Variants in COL14A1 observed in about 807,000 individuals in gnomAD.
The protein encoded by COL14A1 is collagen alpha-1(XIV) chain.
A neutral mutation model predicts 230.3 loss-of-function variants in COL14A1; 136 were observed. The observed-to-expected ratio is 0.59, with a 90% CI of 0.51 to 0.68. COL14A1 has a LOEUF of 0.68. Ranked by LOEUF, COL14A1 falls within the 30% of genes least tolerant of loss-of-function variation. The probability of loss-of-function intolerance (pLI) is 0.00; values close to 1 mark genes in which losing one functional copy is unlikely to be tolerated. For missense variants in COL14A1, 1,976 were observed against 2,215.8 expected (o/e 0.89, Z 2.17); for synonymous variants, 792 against 784.1 (o/e 1.01, Z -0.17).
chr8:120,370,836 A>ATT (rs201300653), intron 47 of COL14A1: 4 of 1,352,574 alleles, frequency 3.0e-6, no homozygotes, highest in African/African-American at 3.0e-5. Flanking sequence ...CTAACATGAG[A>ATT]TTTTTTAAAA....
chr8:120,222,990 G>A (rs1817979514), intron 14 of COL14A1, among the ~76,000 whole-genome samples: 1 of 152,192 alleles, frequency 6.6e-6, no homozygotes, highest in Non-Finnish European at 1.5e-5. Flanking sequence ...TGATAGTTAA[G>A]CATAGTCATG....
chr8:120,210,455 G>A (rs1313533614), intron 12 of COL14A1, among the ~76,000 whole-genome samples: 1 of 152,092 alleles, frequency 6.6e-6, no homozygotes, highest in Non-Finnish European at 1.5e-5. Flanking sequence ...TGCTTTATGT[G>A]GTGCATAAGT....
At chr8:120,254,535 G>GTATTTACT (rs1819076365) in intron 22 of COL14A1, among the ~76,000 whole-genome samples, 2 of 151,746 alleles carry the variant, frequency 1.3e-5, no homozygotes, top group Admixed American at 6.6e-5. Flanking sequence ...AATACATACT[G>GTATTTACT]TATTTACTTT....
intron 5 of COL14A1, among the ~76,000 whole-genome samples, chr8:120,173,564 C>CATCTATAT (rs1554601699): frequency 9.4e-5 from 14 of 149,166 alleles, no homozygotes; most frequent in Non-Finnish European, 1.6e-4. Flanking sequence ...AGCAATCAAT[C>CATCTATAT]ATCTATCTAT....
At chr8:120,256,517 T>A (rs1251434814) in intron 23 of COL14A1, among the ~76,000 whole-genome samples, 1 of 152,220 alleles carries the variant, frequency 6.6e-6, no homozygotes, top group African/African-American at 2.4e-5. Context: ...CACTGCTTCC[T>A]TGAGTCCCTC....
At chr8:120,231,874 C>G in intron 19 of COL14A1, 1 of 374,394 alleles carries the variant, frequency 2.7e-6, no homozygotes, top group Non-Finnish European at 4.8e-6. Flanking sequence ...TTCTCTTCTG[C>G]TGCCTTGCAC....
chr8:120,159,846 C>T (rs1024310805), intron 3 of COL14A1, among the ~76,000 whole-genome samples: 2 of 152,110 alleles, frequency 1.3e-5, no homozygotes. Context: ...TGCCCGCCAC[C>T]ATGCCTGGCT....
At chr8:120,153,590 A>G (rs1296339590) in intron 2 of COL14A1, among the ~76,000 whole-genome samples, 2 of 152,206 alleles carry the variant, frequency 1.3e-5, no homozygotes, top group African/African-American at 2.4e-5. Flanking sequence ...TGGTTGCCCT[A>G]TCAACTTAGC....
intron 2 of COL14A1, among the ~76,000 whole-genome samples, chr8:120,156,573 T>C (rs916580322): frequency 6.6e-6 from 1 of 152,226 alleles, no homozygotes; most frequent in Non-Finnish European, 1.5e-5. Context: ...AGTGCTTTAG[T>C]TGCACCTTGG....
At chr8:120,310,372 A>G (rs1820998221) in intron 37 of COL14A1, among the ~76,000 whole-genome samples, 1 of 152,214 alleles carries the variant, frequency 6.6e-6, no homozygotes, top group Non-Finnish European at 1.5e-5. Flanking sequence ...TACCTACAAC[A>G]AAAACGTATC....
At chr8:120,297,471 A>G (rs777482878) in intron 34 of COL14A1, 40 bp from the exon 35 acceptor site, 20 of 992,450 alleles carry the variant, frequency 2.0e-5, no homozygotes, top group East Asian at 9.4e-5. Context: ...GATAATTTAT[A>G]TATATTTTAT....
At chr8:120,298,249 G>T (rs945089034) in intron 35 of COL14A1, among the ~76,000 whole-genome samples, 1 of 151,806 alleles carries the variant, frequency 6.6e-6, no homozygotes, top group Non-Finnish European at 1.5e-5. Flanking sequence ...ACTACCTTGA[G>T]CCTGTCATTC....
intron 40 of COL14A1, among the ~76,000 whole-genome samples, 164 bp from the exon 41 acceptor site, chr8:120,331,977 T>G (rs1821883846): frequency 6.6e-6 from 1 of 152,162 alleles, no homozygotes; most frequent in Admixed American, 6.5e-5. Context: ...TCACAAAACC[T>G]TGCCAAAAAC....
At chr8:120,288,696 C>T (rs1048185662) in intron 33 of COL14A1, among the ~76,000 whole-genome samples, 3 of 152,108 alleles carry the variant, frequency 2.0e-5, no homozygotes, top group African/African-American at 7.2e-5. Context: ...ATTGTATTGA[C>T]CAACATGGTT....
chr8:120,152,052 C>G (rs1366129276), intron 2 of COL14A1, among the ~76,000 whole-genome samples: 1 of 152,078 alleles, frequency 6.6e-6, no homozygotes, highest in Non-Finnish European at 1.5e-5. Flanking sequence ...ATCCTTTTAG[C>G]CCGGTGAGAT....
chr8:120,338,745 T>C (rs952394680), intron 42 of COL14A1, among the ~76,000 whole-genome samples: 1 of 152,230 alleles, frequency 6.6e-6, no homozygotes, highest in African/African-American at 2.4e-5. Flanking sequence ...TATTAGTATT[T>C]AGAGTGTCAT....
At chr8:120,180,639 C>T (rs1383217758) in intron 5 of COL14A1, among the ~76,000 whole-genome samples, 14 of 151,390 alleles carry the variant, frequency 9.2e-5, no homozygotes, top group East Asian at 3.9e-4. Flanking sequence ...AAGTCCCCCC[C>T]AGAGTTTCAG....
At chr8:120,197,775 A>G (rs368997051) in intron 6 of COL14A1, 36 bp from the exon 7 acceptor site, 4 of 1,585,772 alleles carry the variant, frequency 2.5e-6, no homozygotes, top group Non-Finnish European at 3.4e-6. Context: ...TGAGTAACCC[A>G]TTATTCCTGG....
chr8:120,205,667 G>T (rs1287989699), intron 9 of COL14A1, among the ~76,000 whole-genome samples: 1 of 152,078 alleles, frequency 6.6e-6, no homozygotes, highest in Non-Finnish European at 1.5e-5. Flanking sequence ...TTGTGGGGCT[G>T]GGCTGGGCAC....
Sources: gnomAD v4.1 joint callset for allele counts (sites outside exome capture counted in the v4.1 genomes callset) on GRCh38, gnomAD v4.1.1 for gene constraint, MANE v1.5 for transcripts, NCBI Gene and HGNC (gene_info 2026-07-23, HGNC 2026-07-21) for gene names.